Variants in PDE1C observed in about 807,000 individuals in gnomAD.
PDE1C encodes the protein phosphodiesterase 1C, also known as dual specificity calcium/calmodulin-dependent 3',5'-cyclic nucleotide phosphodiesterase 1C.
In PDE1C, 62 loss-of-function variants were observed where a neutral mutation model predicts 93.1. That is an observed-to-expected ratio of 0.67 (90% CI 0.54 to 0.82). The LOEUF (loss-of-function observed/expected upper bound fraction) is 0.82, where lower values mean the gene tolerates loss of function less well. PDE1C is among the 40% of genes least tolerant of loss of function. PDE1C has a pLI of 0.00. For synonymous variants in PDE1C, 325 were observed against 310.1 expected, an observed-to-expected ratio of 1.05 and a Z score of -0.50; for missense variants, 742 against 884.6, an observed-to-expected ratio of 0.84 and a Z score of 2.04.
In PDE1C at chr7:31,906,805, C is replaced by T. The variant is rs1800651046; in HGVS notation, c.129-25945G>A. ...AAGCTTTTTAAATACCCAATATTTC[C>T]ATTTCTTCTTTGGTAAAATAGGAAT... On this transcript the variant is annotated intron_variant, in intron 2 of 17. Coordinates refer to ENST00000396191, the MANE Select transcript of PDE1C (RefSeq NM_001191057.4). 2.0e-5 allele frequency among the ~76,000 whole-genome samples: 3 copies of T among 152,098 alleles called. No individual in the cohort carries two copies. In the South Asian group the frequency reaches 6.2e-4, roughly 32 times the overall value.
At chr7:32,338,342 A>G (rs1188675782) in intron 1 of PDE1C, among the ~76,000 whole-genome samples, 2 of 152,246 alleles carry the variant, frequency 1.3e-5, no homozygotes, top group African/African-American at 4.8e-5. Context: ...AATATACAAG[A>G]TATACAAATG....
intron 3 of PDE1C, among the ~76,000 whole-genome samples, chr7:32,121,632 T>C (rs1197014215): frequency 1.3e-5 from 2 of 152,102 alleles, no homozygotes; most frequent in Non-Finnish European, 2.9e-5. Flanking sequence ...CCAGCCAAAC[T>C]AAGCTTCATA....
At chr7:31,661,633 A>G in the PDE1C span, among the ~76,000 whole-genome samples, 1 of 152,168 alleles carries the variant, frequency 6.6e-6, no homozygotes, top group Non-Finnish European at 1.5e-5. Context: ...GAATCGCTTG[A>G]ACCCACAACG....
At chr7:32,200,514 C>A (rs1283430770) in intron 2 of PDE1C, among the ~76,000 whole-genome samples, 2 of 152,168 alleles carry the variant, frequency 1.3e-5, no homozygotes, top group East Asian at 3.9e-4. Context: ...TTATTAGAAA[C>A]ATAGACCTTG....
At position 32,188,006 on chromosome 7, in the gene PDE1C, C is replaced by T. The variant is rs565722481; in HGVS notation, c.137-18050G>A. On this transcript the variant is annotated intron_variant, in intron 2 of 18. Coordinates refer to the PDE1C transcript ENST00000396193. ...ATCCTTGAATTCTTTCCAAGAATGG[C>T]ATGGTGGCTAATGAGATACACAAGA... 1.1e-4 allele frequency among the ~76,000 whole-genome samples: 17 copies of T among 152,222 alleles called. No homozygotes were observed. In the South Asian group the frequency reaches 3.5e-3, roughly 32 times the overall value.
chr7:31,981,031 A>T (rs1812303152), intron 2 of PDE1C, among the ~76,000 whole-genome samples: 1 of 152,154 alleles, frequency 6.6e-6, no homozygotes, highest in African/African-American at 2.4e-5. Flanking sequence ...GATTTCAGGG[A>T]TTAGGATGTG....
intron 1 of PDE1C, among the ~76,000 whole-genome samples, chr7:32,327,117 C>T (rs1470371074): frequency 6.6e-6 from 1 of 152,152 alleles, no homozygotes; most frequent in Non-Finnish European, 1.5e-5. Context: ...CCATTAATAA[C>T]CTCCATTGGC....
intron 3 of PDE1C, among the ~76,000 whole-genome samples, chr7:32,142,122 G>C (rs1800570223): frequency 6.6e-6 from 1 of 151,862 alleles, no homozygotes; most frequent in South Asian, 2.1e-4. Flanking sequence ...TTTAAATAAA[G>C]AGGAAAAGGA....
intron 14 of PDE1C, among the ~76,000 whole-genome samples, chr7:31,816,899 G>A (rs1464618248): frequency 6.6e-6 from 1 of 152,120 alleles, no homozygotes; most frequent in East Asian, 1.9e-4. Context: ...TAATCCAGTT[G>A]ATTATAAAAG....
intron 9 of PDE1C, among the ~76,000 whole-genome samples, chr7:31,845,751 G>A (rs972507583): frequency 2.0e-5 from 3 of 152,132 alleles, no homozygotes; most frequent in African/African-American, 7.2e-5. Context: ...AGCACTTTGG[G>A]AGGCCAAGGC....
At chr7:32,005,555 CAAAAAAAAAAAAAAAAAAAA>C (rs59246166) in intron 2 of PDE1C, among the ~76,000 whole-genome samples, 1 of 50,720 alleles carries the variant, frequency 2.0e-5, no homozygotes, top group Non-Finnish European at 3.7e-5. Flanking sequence ...GACTCCATTT[CAAAAAAAAAAAAAAAAAAAA>C]AAAAAAGAAT....
intron 1 of PDE1C, among the ~76,000 whole-genome samples, chr7:32,250,691 C>A (rs1234977011): frequency 2.0e-5 from 3 of 152,226 alleles, no homozygotes; most frequent in African/African-American, 7.2e-5. Flanking sequence ...CAGCGCACAG[C>A]CCCACCATAA....
rs117593547 is a variant in PDE1C, at chr7:31,853,126, C to G, written c.751-2385G>C. Among the ~76,000 whole-genome samples, 760 of 152,224 alleles carry G rather than the reference C, an allele frequency of 5.0e-3. 2 individuals carry two copies. The highest frequency in any genetic ancestry group is 8.2e-3 in the Non-Finnish European group (556 of 68,022). On this transcript the variant is annotated intron_variant, in intron 7 of 17. Coordinates refer to ENST00000396191, the MANE Select transcript of PDE1C (RefSeq NM_001191057.4). ...ACATTACAACCATAGTGATGCTTCC[C>G]TCCTTACCCAAATAATTGAACAAAA... is the stretch of plus-strand genomic sequence containing the variant.
At chr7:31,994,464 C>G (rs1784487809) in intron 2 of PDE1C, among the ~76,000 whole-genome samples, 1 of 152,080 alleles carries the variant, frequency 6.6e-6, no homozygotes, top group Admixed American at 6.6e-5. Context: ...GACCCTATGA[C>G]CTCTCAGTTT....
At position 32,330,898 on chromosome 7, in the gene PDE1C, G is replaced by T. The variant is rs1419089956; in HGVS notation, c.310+96924C>A. ...TTTTCCAATGAAAACAACTCCACAA[G>T]GCCATCGGTCCCCTGGGAAGATTTC... On this transcript the variant is annotated intron_variant, in intron 1 of 1. Coordinates refer to the PDE1C transcript ENST00000672256. Among the ~76,000 whole-genome samples, 5 of 152,316 alleles carry T rather than the reference G, an allele frequency of 3.3e-5. No homozygotes were observed. The South Asian group carries it at 1.0e-3, about 32-fold the overall frequency.
At chr7:31,763,331 T>C (rs1291490115) in intron 17 of PDE1C, among the ~76,000 whole-genome samples, 1 of 152,090 alleles carries the variant, frequency 6.6e-6, no homozygotes, top group Non-Finnish European at 1.5e-5. Flanking sequence ...GGGCATTAGA[T>C]GTAGTGTTGT....
chr7:31,847,904 A>G lies in PDE1C; in HGVS notation c.980+64T>C, dbSNP rs527665200. ...AAGGTGTTCTTTTCTCAAAAACAGC[A>G]TACTTCATCCAACTTCAAAGTTCCT... is the stretch of plus-strand genomic sequence containing the variant. On this transcript the variant is annotated intron_variant, in intron 9 of 17. Transcript: ENST00000396191. The G allele has an allele frequency of 6.1e-5, 95 of 1,558,492 alleles. No individual in the cohort carries two copies. The African/African-American group carries it at 1.2e-3, about 20-fold the overall frequency.
intron 1 of PDE1C, among the ~76,000 whole-genome samples, chr7:32,339,852 C>T (rs1241844027): frequency 6.6e-6 from 1 of 152,096 alleles, no homozygotes; most frequent in Non-Finnish European, 1.5e-5. Flanking sequence ...GTGGTAGGGC[C>T]ACCCTGCGGT....
intron 2 of PDE1C, among the ~76,000 whole-genome samples, chr7:32,004,004 T>C (rs1219957481): frequency 4.0e-5 from 6 of 151,844 alleles, no homozygotes; most frequent in Non-Finnish European, 7.3e-5. Flanking sequence ...GACTTCCCAC[T>C]GTATGGAATG....
Sources: gnomAD v4.1 joint callset for allele counts (sites outside exome capture counted in the v4.1 genomes callset) on GRCh38, gnomAD v4.1.1 for gene constraint, MANE v1.5 for transcripts, NCBI Gene and HGNC (gene_info 2026-07-23, HGNC 2026-07-21) for gene names.